Variants in DNAH9 observed in about 807,000 individuals in gnomAD.
DNAH9 encodes DNAH9 variant protein.
In DNAH9, 345 loss-of-function variants were observed where a neutral mutation model predicts 471.6. The observed-to-expected ratio is 0.73, with a 90% CI of 0.67 to 0.80. The LOEUF is 0.80. Among genes scored for constraint, DNAH9 ranks in the 30% least tolerant of loss-of-function variants. The pLI is 0.00. For synonymous variants in DNAH9, 2,093 were observed against 2,123.6 expected (o/e 0.99, Z 0.40); for missense variants, 5,407 against 5,609.2 (o/e 0.96, Z 1.15).
chr17:11,896,257 C>T (rs1334269532), intron 59 of DNAH9, among the ~76,000 whole-genome samples: 1 of 152,174 alleles, frequency 6.6e-6, no homozygotes, highest in African/African-American at 2.4e-5. Context: ...ATTAGTTCTT[C>T]AGTATATATT....
At chr17:11,910,596 T>C (rs1383592799) in intron 61 of DNAH9, among the ~76,000 whole-genome samples, 2 of 152,216 alleles carry the variant, frequency 1.3e-5, no homozygotes, top group Non-Finnish European at 2.9e-5. Flanking sequence ...CTGGGTCAGA[T>C]GGTGACTTTA....
rs1041213592 is a variant in DNAH9, at chr17:11,694,570, TG to T, written c.4872+124del. ...AGGTTCTGTACTTCAGACCTGTCTG[TG>T]TTGCCCCCAGCATCATCACATACCT... On this transcript the variant is annotated intron_variant, in intron 22 of 68. Transcript: ENST00000262442. 3.0e-6 allele frequency: 3 copies of T among 985,998 alleles called. No homozygotes were observed. In the Admixed American group the frequency reaches 7.4e-5, roughly 24 times the overall value. 61.1% of individuals were successfully genotyped at this position (985,998 alleles called of 1,614,324 possible).
chr17:11,739,054 C>A lies in DNAH9; in HGVS notation c.5972+17C>A. The A allele has an allele frequency of 6.4e-7, 1 of 1,556,000 alleles. No homozygotes were observed. ...TCTCTTCAGGTGAGTGTCAGTTCTGCCCCATGCAAAAGCCCCAAAAGAGAA... is the reference window on the plus strand; with the variant it reads ...TCTCTTCAGGTGAGTGTCAGTTCTGACCCATGCAAAAGCCCCAAAAGAGAA... On this transcript the variant is annotated intron_variant, in intron 29 of 68. Coordinates refer to ENST00000262442, the MANE Select transcript of DNAH9 (RefSeq NM_001372.4).
chr17:11,863,123 T>C (rs1049235448), intron 50 of DNAH9, among the ~76,000 whole-genome samples: 1 of 152,156 alleles, frequency 6.6e-6, no homozygotes, highest in African/African-American at 2.4e-5. Flanking sequence ...ATGCTTCCAG[T>C]TTTTGCCCAT....
intron 61 of DNAH9, among the ~76,000 whole-genome samples, chr17:11,907,299 C>G (rs868430075): frequency 6.6e-5 from 10 of 152,028 alleles, no homozygotes; most frequent in African/African-American, 1.9e-4. Flanking sequence ...AGAGAAACCC[C>G]ATCTCTACTA....
At chr17:11,909,967 C>T (rs146204010) in intron 61 of DNAH9, among the ~76,000 whole-genome samples, 92 of 152,280 alleles carry the variant, frequency 6.0e-4, no homozygotes, top group African/African-American at 2.1e-3. Flanking sequence ...AAATATTTGC[C>T]TATTCTCGGC....
chr17:11,754,410 C>T (rs1376920517), intron 33 of DNAH9, among the ~76,000 whole-genome samples: 2 of 152,166 alleles, frequency 1.3e-5, no homozygotes, highest in African/African-American at 4.8e-5. Context: ...ATACCGCTTT[C>T]CACAATGGAT....
chr17:11,777,346 T>C (rs550828114), intron 38 of DNAH9, among the ~76,000 whole-genome samples: 1 of 152,374 alleles, frequency 6.6e-6, no homozygotes, highest in Admixed American at 6.5e-5. Flanking sequence ...GCAATCCCTA[T>C]TTAGTCTTTA....
Position 11,624,521 on chromosome 17 carries a change from A to C in DNAH9, c.1350+4740A>C, listed in dbSNP as rs561786969. Among the ~76,000 whole-genome samples, 3 of 152,260 alleles carry C rather than the reference A, an allele frequency of 2.0e-5. No homozygotes were observed. The South Asian group carries it at 6.2e-4, about 32-fold the overall frequency. ...AAGACTCCATCTCAAAAAAAAAAGAAAAGAAAAGAACTGGGTATCAGTATC... is the reference window on the plus strand; with the variant it reads ...AAGACTCCATCTCAAAAAAAAAAGACAAGAAAAGAACTGGGTATCAGTATC... On this transcript the variant is annotated intron_variant, in intron 6 of 68. Coordinates refer to ENST00000262442, the MANE Select transcript of DNAH9 (RefSeq NM_001372.4).
intron 28 of DNAH9, among the ~76,000 whole-genome samples, chr17:11,735,994 CT>C (rs914099916): frequency 2.6e-5 from 4 of 151,294 alleles, no homozygotes; most frequent in East Asian, 1.9e-4. Context: ...AGGCAAGTTT[CT>C]TTTTTTTTCT....
rs1322552066 is a variant in DNAH9, at chr17:11,747,614, C to T, written c.6458C>T (p.Ala2153Val). The T allele has an allele frequency of 3.7e-6, 6 of 1,614,002 alleles. No homozygotes were observed. Among genetic ancestry groups the T allele is most frequent in the Non-Finnish European group, 5.1e-6 (6 of 1,180,032 alleles). ...CACTCTGTATTTGTGGTGGGTGGCG[C>T]TGGTACCGGCAAGTCACAGGTGCTG... is the stretch of plus-strand genomic sequence containing the variant. The part of the protein sequence containing the change: ...VRHSVFVVGG[A>V]GTGKSQVLRS... The change falls in exon 32 of 69, where the codon GCT becomes GTT. Residue 2153 changes from alanine (A) to valine (V), a missense_variant. Ala to Val is a moderately conservative substitution (Grantham distance 64). Around this residue, in one of 3 missense-constraint regions of DNAH9, gnomAD observed 4,636 missense variants for 4,900.3 expected, o/e 0.95. Transcript: ENST00000262442.
intron 43 of DNAH9, 38 bp downstream of exon 43, chr17:11,797,831 T>G: frequency 6.3e-7 from 1 of 1,585,334 alleles, no homozygotes; most frequent in Non-Finnish European, 8.6e-7. Context: ...CTCAGTTGCT[T>G]CCTCTTCCCA....
Position 11,892,309 on chromosome 17 carries a change from T to C in DNAH9, c.11283+362T>C, listed in dbSNP as rs984267843. 2.0e-5 allele frequency among the ~76,000 whole-genome samples: 3 copies of C among 152,148 alleles called. No homozygotes were observed. Among genetic ancestry groups the C allele is most frequent in the African/African-American group, 7.2e-5 (3 of 41,424 alleles). Reference sequence around the variant, plus strand: ...ACGCTTTTTGAAATGCTGTAAGAAATTTGGTAGAGTATCCATCATTGTTTA... The same window carrying C: ...ACGCTTTTTGAAATGCTGTAAGAAACTTGGTAGAGTATCCATCATTGTTTA... On this transcript the variant is annotated intron_variant, in intron 58 of 68. Coordinates refer to ENST00000262442, the MANE Select transcript of DNAH9 (RefSeq NM_001372.4). This position sits in a 1 kb window ranked among gnomAD's most constrained non-coding sequence, Gnocchi z 4.3.
In DNAH9 at chr17:11,932,592, C is replaced by T. The variant is rs910240995; in HGVS notation, c.12297+387C>T. 6.6e-6 allele frequency among the ~76,000 whole-genome samples: 1 copy of T among 152,194 alleles called. No individual in the cohort carries two copies. The highest frequency in any genetic ancestry group is 1.5e-5 in the Non-Finnish European group (1 of 68,034). On this transcript the variant is annotated intron_variant, in intron 64 of 68. Coordinates refer to ENST00000262442, the MANE Select transcript of DNAH9 (RefSeq NM_001372.4). The surrounding 1 kb of genome is among the most constrained non-coding windows in gnomAD (Gnocchi z 4.3). ...GTATGCACGTTAAGGAGGGATGATG[C>T]AGTGCTATCCTACAGAAGGGGCATG...
At chr17:11,824,609 C>A (rs1490555888) in intron 48 of DNAH9, among the ~76,000 whole-genome samples, 1 of 152,140 alleles carries the variant, frequency 6.6e-6, no homozygotes, top group African/African-American at 2.4e-5. Flanking sequence ...TTTACCCTCA[C>A]CAATACTAAT....
chr17:11,608,562 T>G (rs560187852), intron 2 of DNAH9, among the ~76,000 whole-genome samples: 2 of 152,308 alleles, frequency 1.3e-5, no homozygotes, highest in Admixed American at 1.3e-4. Flanking sequence ...CAATATGGCC[T>G]TTTTTTCCTT....
At chr17:11,756,244 T>G (rs1274140515) in intron 33 of DNAH9, among the ~76,000 whole-genome samples, 2 of 147,600 alleles carry the variant, frequency 1.4e-5, no homozygotes, top group African/African-American at 2.5e-5. Context: ...GCCACTGCAC[T>G]CCAGCCTGGG....
intron 45 of DNAH9, among the ~76,000 whole-genome samples, chr17:11,815,639 A>G (rs1970070892): frequency 6.6e-6 from 1 of 152,084 alleles, no homozygotes; most frequent in Non-Finnish European, 1.5e-5. Flanking sequence ...AAGTACAAAG[A>G]GTATCGGGGC....
At chr17:11,893,709 A>ATTG (rs1567881477) in intron 58 of DNAH9, among the ~76,000 whole-genome samples, 2 of 151,452 alleles carry the variant, frequency 1.3e-5, no homozygotes, top group Non-Finnish European at 2.9e-5. Flanking sequence ...GGGGCCTGTC[A>ATTG]GGGGGTGGAG....
Sources: gnomAD v4.1 joint callset for allele counts (sites outside exome capture counted in the v4.1 genomes callset) on GRCh38, gnomAD v4.1.1 for gene constraint, gnomAD v4.1.1 regional missense constraint, Gnocchi (gnomAD v3.1) non-coding constraint, MANE v1.5 for transcripts, NCBI Gene and HGNC (gene_info 2026-07-23, HGNC 2026-07-21) for gene names.